Variants in MAP2K6 observed in about 807,000 individuals in gnomAD.
MAP2K6 encodes mitogen-activated protein kinase kinase 6.
Under a neutral mutation model 53.7 loss-of-function variants are expected in MAP2K6, and 16 were observed. The ratio of observed to expected loss-of-function variants is 0.30; its 90% CI spans 0.20 to 0.45. MAP2K6 has a LOEUF of 0.45. Ranked by LOEUF, MAP2K6 falls within the 20% of genes least tolerant of loss-of-function variation. MAP2K6 has a pLI of 1.00. For synonymous variants in MAP2K6, 132 were observed against 143.1 expected (o/e 0.92, Z 0.55); for missense variants, 204 against 411.9 (o/e 0.50, Z 4.37).
rs1188045810 is a variant in MAP2K6, at chr17:69,542,500, A to G, written c.*747A>G. 1 of 152,400 alleles carries G rather than the reference A, an allele frequency of 6.6e-6. No individual in the cohort carries two copies. Among genetic ancestry groups the G allele is most frequent in the African/African-American group, 2.4e-5 (1 of 41,444 alleles). 9.4% of individuals were successfully genotyped at this position (152,400 alleles called of 1,614,324 possible). A position where few individuals can be genotyped will look rare whatever the true frequency, so the allele number is the denominator to read the frequency against. ...AAAAATCACTCATATAACAGCTCAA[A>G]GAGTAAAACATTTGGTTCTTCTGAC... On this transcript the variant is annotated 3_prime_UTR_variant, in exon 12 of 12. Transcript: ENST00000590474.
At chr17:69,470,487 G>C (rs1010314095) in intron 1 of MAP2K6, among the ~76,000 whole-genome samples, 11 of 152,174 alleles carry the variant, frequency 7.2e-5, no homozygotes, top group African/African-American at 2.4e-4. Flanking sequence ...CCCAGGACAA[G>C]AGTGGATGAA....
At chr17:69,491,456 T>C (rs1908750414) in intron 1 of MAP2K6, among the ~76,000 whole-genome samples, 1 of 152,172 alleles carries the variant, frequency 6.6e-6, no homozygotes, top group Non-Finnish European at 1.5e-5. Context: ...CATTTTCTTA[T>C]CCAGTCTATC....
At chr17:69,484,276 AACAG>A (rs979568480) in intron 1 of MAP2K6, among the ~76,000 whole-genome samples, 2 of 152,136 alleles carry the variant, frequency 1.3e-5, no homozygotes, top group African/African-American at 4.8e-5. Context: ...GAAGGATTTG[AACAG>A]ACATTTTACC....
rs571335645 is a variant in MAP2K6 at position 69,424,136 on chromosome 17, G to T, written c.16+9136G>T. Reference sequence around the variant, plus strand: ...TTTCTTACATTAACCCCCTAACCCCGGGTGGGCAATTTTCTTTTGAGGACG... The same window carrying T: ...TTTCTTACATTAACCCCCTAACCCCTGGTGGGCAATTTTCTTTTGAGGACG... On this transcript the variant is annotated intron_variant, in intron 1 of 11. Transcript: ENST00000590474. 3.8e-3 allele frequency among the ~76,000 whole-genome samples: 571 copies of T among 152,232 alleles called. 3 individuals carry two copies. Among genetic ancestry groups the T allele is most frequent in the African/African-American group, 0.013 (530 of 41,526 alleles).
In MAP2K6 at chr17:69,547,062, G is replaced by A. The variant is rs1247641821; in HGVS notation, c.*5309G>A. 1 of 151,886 alleles carries A rather than the reference G, an allele frequency of 6.6e-6. No homozygotes were observed. Among genetic ancestry groups the A allele is most frequent in the Non-Finnish European group, 1.5e-5 (1 of 67,978 alleles). 9.4% of individuals were successfully genotyped at this position (151,886 alleles called of 1,614,324 possible). A position where few individuals can be genotyped will look rare whatever the true frequency, so the allele number is the denominator to read the frequency against. On this transcript the variant is annotated 3_prime_UTR_variant, in exon 12 of 12. Transcript: ENST00000590474. ...ACTGTTAAATGTGCTGACAGCTAAA[G>A]ATGCTCTTTGGGTTTTTTTTTTGGC...
At chr17:69,427,235 G>A (rs1441114613) in intron 1 of MAP2K6, among the ~76,000 whole-genome samples, 2 of 152,132 alleles carry the variant, frequency 1.3e-5, no homozygotes, top group Non-Finnish European at 2.9e-5. Flanking sequence ...AAGGAAACCT[G>A]TTCAATGTAC....
chr17:69,489,212 C>G (rs1330067175), intron 1 of MAP2K6, among the ~76,000 whole-genome samples: 1 of 134,178 alleles, frequency 7.5e-6, no homozygotes, highest in African/African-American at 2.8e-5. Context: ...AAGAGTGAAA[C>G]TCTGTCTCAA....
rs888931045 is a variant in MAP2K6 at position 69,514,130 on chromosome 17, G to A, written c.84-2725G>A. 1.7e-4 allele frequency among the ~76,000 whole-genome samples: 26 copies of A among 151,956 alleles called. No individual in the cohort carries two copies. The South Asian group carries it at 5.4e-3, about 32-fold the overall frequency. ...TCTTAAAAAAAAAAAAAAAAATCAG[G>A]GTGTTGAATAATTGCAAAGGATTTT... On this transcript the variant is annotated intron_variant, in intron 2 of 11. Coordinates refer to ENST00000590474, the MANE Select transcript of MAP2K6 (RefSeq NM_002758.4).
intron 10 of MAP2K6, 104 bp from the exon 11 acceptor site, chr17:69,536,011 C>T (rs1251632530): frequency 5.3e-6 from 4 of 750,038 alleles, no homozygotes; most frequent in East Asian, 2.6e-5. Flanking sequence ...TTTCAATACA[C>T]TTTTAAAGCT....
intron 1 of MAP2K6, among the ~76,000 whole-genome samples, chr17:69,427,050 CTGT>C (rs1219258827): frequency 6.6e-6 from 1 of 152,176 alleles, no homozygotes; most frequent in Non-Finnish European, 1.5e-5. Context: ...TATAGACACA[CTGT>C]AATTATATAA....
intron 1 of MAP2K6, 42 bp downstream of exon 1, chr17:69,415,042 G>A: frequency 1.3e-6 from 2 of 1,519,242 alleles, no homozygotes; most frequent in South Asian, 1.1e-5. Flanking sequence ...GCAAAGGGTT[G>A]TGCATGCATT....
At chr17:69,456,883 G>A (rs544297314) in intron 1 of MAP2K6, among the ~76,000 whole-genome samples, 33 of 152,224 alleles carry the variant, frequency 2.2e-4, no homozygotes, top group East Asian at 3.9e-4. Flanking sequence ...CCACGCTTCC[G>A]TTTTAAAGTT....
chr17:69,422,736 G>A (rs933674468), intron 1 of MAP2K6, among the ~76,000 whole-genome samples: 7 of 152,186 alleles, frequency 4.6e-5, no homozygotes, highest in African/African-American at 1.7e-4. Context: ...TAATTTACGA[G>A]TGAGGAAATC....
intron 1 of MAP2K6, chr17:69,502,156 A>G (rs1224612511): frequency 2.0e-6 from 2 of 985,432 alleles, no homozygotes; most frequent in Non-Finnish European, 2.4e-6. Context: ...GGGTGTCCAC[A>G]TAGACCCACT....
intron 1 of MAP2K6, among the ~76,000 whole-genome samples, chr17:69,472,282 TTTAACA>T (rs1340022042): frequency 1.3e-5 from 2 of 152,214 alleles, no homozygotes; most frequent in South Asian, 2.1e-4. Context: ...AAAAAAAAAG[TTTAACA>T]TTAACAATAA....
chr17:69,527,680 G>A (rs1309323735), intron 10 of MAP2K6, among the ~76,000 whole-genome samples: 3 of 152,172 alleles, frequency 2.0e-5, no homozygotes, highest in African/African-American at 4.8e-5. Context: ...GGAGATGGTG[G>A]CAGGCCCAGC....
At chr17:69,516,594 T>C (rs17769598) in intron 2 of MAP2K6, among the ~76,000 whole-genome samples, 19,539 of 152,230 alleles carry the variant, frequency 0.13, 1,619 homozygotes, top group Middle Eastern at 0.21. Context: ...TCTCTTTTAA[T>C]ACTCACTCCT....
intron 11 of MAP2K6, 22 bp from the exon 12 acceptor site, chr17:69,541,654 G>A: frequency 6.3e-7 from 1 of 1,581,066 alleles, no homozygotes; most frequent in South Asian, 1.1e-5. Flanking sequence ...TTAATACCAT[G>A]TTTTTTCTTT....
chr17:69,436,350 A>G (rs955271824), intron 1 of MAP2K6, among the ~76,000 whole-genome samples: 5 of 152,222 alleles, frequency 3.3e-5, no homozygotes, highest in Admixed American at 3.3e-4. Flanking sequence ...TTGTTTTATA[A>G]TAGTGATTGT....
Sources: allele counts gnomAD v4.1 joint callset (sites outside exome capture counted in the v4.1 genomes callset), GRCh38; gene constraint gnomAD v4.1.1; transcripts MANE v1.5; gene names NCBI Gene and HGNC (gene_info 2026-07-23, HGNC 2026-07-21).